The following PHACTR1 variants were observed in gnomAD, a reference collection of about 807,000 sequenced individuals.
The protein encoded by PHACTR1 is phosphatase and actin regulator 1.
In PHACTR1, 16 loss-of-function variants were observed where a neutral mutation model predicts 69.2. That is an observed-to-expected ratio of 0.23 (90% CI 0.16 to 0.35). The LOEUF (loss-of-function observed/expected upper bound fraction) is 0.35, where lower values mean the gene tolerates loss of function less well. PHACTR1 is among the 10% of genes least tolerant of loss of function. The pLI is 1.00. For missense variants in PHACTR1, 510 were observed against 734.7 expected, an observed-to-expected ratio of 0.69 and a Z score of 3.54; for synonymous variants, 312 against 284.5, an observed-to-expected ratio of 1.10 and a Z score of -0.97.
intron 5 of PHACTR1, among the ~76,000 whole-genome samples, chr6:13,121,749 T>A (rs1259302237): frequency 6.6e-6 from 1 of 152,184 alleles, no homozygotes; most frequent in Non-Finnish European, 1.5e-5. Context: ...GACACATCGA[T>A]GTCTCTTTCA....
intron 4 of PHACTR1, among the ~76,000 whole-genome samples, chr6:12,936,844 T>C (rs2127536053): frequency 6.6e-6 from 1 of 152,302 alleles, no homozygotes; most frequent in East Asian, 1.9e-4. Flanking sequence ...ACAGAACAAA[T>C]TGGCTGCAGT....
At chr6:13,117,095 G>C (rs542653822) in intron 5 of PHACTR1, among the ~76,000 whole-genome samples, 12 of 152,318 alleles carry the variant, frequency 7.9e-5, no homozygotes, top group African/African-American at 2.6e-4. Context: ...GAAATGCCAA[G>C]GACAAGGTGT....
At chr6:13,196,153 T>C (rs1226720956) in intron 7 of PHACTR1, among the ~76,000 whole-genome samples, 3 of 152,184 alleles carry the variant, frequency 2.0e-5, no homozygotes, top group Non-Finnish European at 4.4e-5. Flanking sequence ...GCCACCATCA[T>C]CATTAGAAAG....
Position 12,963,319 on chromosome 6 carries a change from G to A in PHACTR1, c.251-90046G>A, listed in dbSNP as rs141895952. ...TCCTCTTCCCCTCCACAGCTGCACC[G>A]TTACCGGGACCATTTGCACACTTTG... On this transcript the variant is annotated intron_variant, in intron 4 of 14. Coordinates refer to ENST00000332995, the MANE Select transcript of PHACTR1 (RefSeq NM_030948.6). Among the ~76,000 whole-genome samples the A allele has an allele frequency of 5.7e-3, 875 of 152,250 alleles. 3 individuals carry two copies. The highest frequency in any genetic ancestry group is 0.02 in the Middle Eastern group (6 of 294).
Position 13,070,678 on chromosome 6 carries a change from C to T in PHACTR1, c.415+17149C>T, listed in dbSNP as rs560446043. ...TCTGGGTAGGTAAGTTTTAAACATA[C>T]TTGAATTCAGAAATCTAATCTCATT... is the stretch of plus-strand genomic sequence containing the variant. On this transcript the variant is annotated intron_variant, in intron 5 of 14. Transcript: ENST00000332995. Among the ~76,000 whole-genome samples, 27 of 152,214 alleles carry T rather than the reference C, an allele frequency of 1.8e-4. No homozygotes were observed. The South Asian group carries it at 5.2e-3, about 29-fold the overall frequency.
chr6:12,802,603 C>A (rs1375001645), intron 4 of PHACTR1, among the ~76,000 whole-genome samples: 1 of 152,118 alleles, frequency 6.6e-6, no homozygotes, highest in Non-Finnish European at 1.5e-5. Flanking sequence ...CCATTATTTT[C>A]TCTGCCACCA....
intron 4 of PHACTR1, among the ~76,000 whole-genome samples, chr6:13,045,175 C>T (rs1423542335): frequency 6.6e-6 from 1 of 152,184 alleles, no homozygotes; most frequent in Non-Finnish European, 1.5e-5. Context: ...TGTTTCTCTT[C>T]TTTCGAGAAT....
intron 5 of PHACTR1, among the ~76,000 whole-genome samples, chr6:13,088,385 C>A (rs1441517547): frequency 1.3e-5 from 2 of 150,270 alleles, no homozygotes; most frequent in Non-Finnish European, 2.9e-5. Flanking sequence ...TTCTCCATTT[C>A]ACCCTGGACC....
intron 4 of PHACTR1, among the ~76,000 whole-genome samples, chr6:12,814,763 G>A (rs1775399948): frequency 6.6e-6 from 1 of 152,178 alleles, no homozygotes; most frequent in Admixed American, 6.5e-5. Flanking sequence ...TATCCCTTGA[G>A]ACAATATGTT....
intron 4 of PHACTR1, among the ~76,000 whole-genome samples, chr6:13,005,247 T>C (rs140191387): frequency 5.9e-5 from 9 of 151,946 alleles, no homozygotes; most frequent in African/African-American, 2.2e-4. Context: ...ACCTTGAACT[T>C]AGACTATCTC....
chr6:13,286,814 GAC>G (rs1781784469), intron 14 of PHACTR1, among the ~76,000 whole-genome samples: 1 of 152,224 alleles, frequency 6.6e-6, no homozygotes, highest in South Asian at 2.1e-4. Context: ...GAGACTCAGA[GAC>G]ACAGATTGGG....
chr6:13,284,578 GTA>G (rs10611107), intron 13 of PHACTR1, among the ~76,000 whole-genome samples: 18,211 of 97,132 alleles, frequency 0.19, 2,154 homozygotes, highest in African/African-American at 0.36. Context: ...ATAGATACAC[GTA>G]TATATATATA....
chr6:13,231,117 GAGAGAAAGAAAGAAGGAA>G (rs760976118), intron 10 of PHACTR1, among the ~76,000 whole-genome samples: 1,866 of 31,352 alleles, frequency 0.06, 287 homozygotes, highest in African/African-American at 0.19. Flanking sequence ...AAGAAGGAAA[GAGAGAAAGAAAGAAGGAA>G]AGAGAAAGAA....
At position 13,283,622 on chromosome 6, in the gene PHACTR1, C is replaced by A. The variant is rs1430342441; in HGVS notation, c.1650+60C>A. 5.6e-6 allele frequency: 9 copies of A among 1,612,138 alleles called. No homozygotes were observed. The highest frequency in any genetic ancestry group is 7.6e-6 in the Non-Finnish European group (9 of 1,179,454). ...GGACCGTCTGCTGGGTCTCGCTGGG[C>A]TCACCGCTGGGGAGCGTGTAGGGAG... On this transcript the variant is annotated intron_variant, in intron 13 of 14. Transcript: ENST00000332995. This position sits in a 1 kb window ranked among gnomAD's most constrained non-coding sequence, Gnocchi z 4.7.
chr6:12,959,746 A>T lies in PHACTR1; in HGVS notation c.251-93619A>T, dbSNP rs527246527. ...GGCTCTTTAGTGCCTCCCAAATCAC[A>T]GAAGATAACAAGATGCTCAAAATAG... On this transcript the variant is annotated intron_variant, in intron 4 of 14. Transcript: ENST00000332995. Among the ~76,000 whole-genome samples the T allele has an allele frequency of 3.9e-5, 6 of 152,338 alleles. No individual in the cohort carries two copies. In the South Asian group the frequency reaches 1.2e-3, roughly 32 times the overall value.
At chr6:12,772,621 TCTG>T (rs1769534414) in intron 4 of PHACTR1, among the ~76,000 whole-genome samples, 1 of 152,206 alleles carries the variant, frequency 6.6e-6, no homozygotes, top group Admixed American at 6.5e-5. Flanking sequence ...ATGGTCCCCT[TCTG>T]CAGTGTTTTT....
intron 4 of PHACTR1, among the ~76,000 whole-genome samples, chr6:12,827,236 T>C (rs1168734760): frequency 2.0e-5 from 3 of 152,196 alleles, no homozygotes; most frequent in African/African-American, 7.2e-5. Context: ...CTTCACCACA[T>C]AGATGAGAAG....
In PHACTR1 at chr6:12,747,773, A is replaced by C. The variant is rs116410752; in HGVS notation, c.104-1871A>C. ...ATAGTTAAGAAATTTGTGGTGCGTC[A>C]CTTAAGCAAAGGTGCAGATACAAAA... On this transcript the variant is annotated intron_variant, in intron 3 of 14. Transcript: ENST00000332995. 3.1e-3 allele frequency among the ~76,000 whole-genome samples: 477 copies of C among 152,310 alleles called. 1 individual carries two copies. The highest frequency in any genetic ancestry group is 0.014 in the Middle Eastern group (4 of 294).
intron 4 of PHACTR1, among the ~76,000 whole-genome samples, chr6:12,938,560 G>A (rs1201011749): frequency 6.6e-6 from 1 of 151,992 alleles, no homozygotes; most frequent in Non-Finnish European, 1.5e-5. Context: ...GCTAAAATAA[G>A]GTATAATTTG....
Sources: gnomAD v4.1 joint callset for allele counts (sites outside exome capture counted in the v4.1 genomes callset) on GRCh38, gnomAD v4.1.1 for gene constraint, Gnocchi (gnomAD v3.1) non-coding constraint, MANE v1.5 for transcripts, NCBI Gene and HGNC (gene_info 2026-07-23, HGNC 2026-07-21) for gene names.